Variants in EFR3B observed in about 807,000 individuals in gnomAD.
The protein encoded by EFR3B is EFR3 homolog B, also known as protein EFR3 homolog B.
Under a neutral mutation model 104.7 loss-of-function variants are expected in EFR3B, and 64 were observed. That is an observed-to-expected ratio of 0.61 (90% CI 0.50 to 0.75). The LOEUF (loss-of-function observed/expected upper bound fraction) is 0.75. Ranked by LOEUF, EFR3B falls within the 30% of genes least tolerant of loss-of-function variation. EFR3B has a pLI of 0.00. For missense variants in EFR3B, 750 were observed against 1,078.5 expected, an observed-to-expected ratio of 0.70 and a Z score of 4.27; for synonymous variants, 385 against 417.9, an observed-to-expected ratio of 0.92 and a Z score of 0.96.
chr2:25,115,131 T>A (rs1573212866), intron 4 of EFR3B, among the ~76,000 whole-genome samples: 2 of 152,134 alleles, frequency 1.3e-5, no homozygotes, highest in Admixed American at 6.5e-5. Context: ...CAGTGAGCCG[T>A]GATCACGCCT....
intron 17 of EFR3B, among the ~76,000 whole-genome samples, chr2:25,142,167 G>T (rs1670687406): frequency 6.6e-6 from 1 of 151,590 alleles, no homozygotes. Context: ...CCCGGGCTGG[G>T]CACAGTGACT....
At chr2:25,050,000 C>T (rs1573160829) in intron 1 of EFR3B, among the ~76,000 whole-genome samples, 1 of 147,972 alleles carries the variant, frequency 6.8e-6, no homozygotes, top group South Asian at 2.2e-4. Context: ...GGTGGTGGCG[C>T]ATGCCTATAA....
chr2:25,053,894 G>A (rs1272444329), intron 1 of EFR3B, among the ~76,000 whole-genome samples: 17 of 152,204 alleles, frequency 1.1e-4, no homozygotes, highest in African/African-American at 3.9e-4. Context: ...GCGACAGAGC[G>A]AGACTCCGTC....
In EFR3B at chr2:25,130,992, T is replaced by C. The variant is rs1670310635; in HGVS notation, c.849+362T>C. On this transcript the variant is annotated intron_variant, in intron 8 of 22. Transcript: ENST00000403714. The surrounding 1 kb of genome is among the most constrained non-coding windows in gnomAD (Gnocchi z 4.6). Reference sequence around the variant, plus strand: ...TCTCAGTGTAAACCAATATCAGACCTATCTTGAATGGGCACCAGCCCAGGG... The same window carrying C: ...TCTCAGTGTAAACCAATATCAGACCCATCTTGAATGGGCACCAGCCCAGGG... 6.6e-6 allele frequency among the ~76,000 whole-genome samples: 1 copy of C among 152,228 alleles called. No homozygotes were observed. The highest frequency in any genetic ancestry group is 1.5e-5 in the Non-Finnish European group (1 of 68,038).
At chr2:25,051,643 T>G (rs1667874069) in intron 1 of EFR3B, among the ~76,000 whole-genome samples, 2 of 150,288 alleles carry the variant, frequency 1.3e-5, no homozygotes, top group Admixed American at 1.3e-4. Context: ...GTGTGTTTTT[T>G]TTTTTTTTTT....
At chr2:25,142,309 G>GT (rs1432200025) in intron 17 of EFR3B, among the ~76,000 whole-genome samples, 1 of 151,966 alleles carries the variant, frequency 6.6e-6, no homozygotes, top group Non-Finnish European at 1.5e-5. Flanking sequence ...CAGGTATGGT[G>GT]GCGCACACCT....
At chr2:25,108,410 G>A (rs948740595) in intron 4 of EFR3B, among the ~76,000 whole-genome samples, 2 of 152,156 alleles carry the variant, frequency 1.3e-5, no homozygotes, top group Non-Finnish European at 2.9e-5. Flanking sequence ...ATCTGATGAT[G>A]CCAAGATCCT....
chr2:25,157,602 G>C lies in EFR3B; in HGVS notation c.*3262G>C, dbSNP rs2149217303. ...GAGGACTCTAGCTGTGTGGGGAAGGGCTAGCATTGGTCAGGACTCTGCTGA... is the reference window on the plus strand; with the variant it reads ...GAGGACTCTAGCTGTGTGGGGAAGGCCTAGCATTGGTCAGGACTCTGCTGA... On this transcript the variant is annotated 3_prime_UTR_variant, in exon 23 of 23. Transcript: ENST00000403714. The C allele has an allele frequency of 6.6e-6, 1 of 152,392 alleles. No individual in the cohort carries two copies. Among genetic ancestry groups the C allele is most frequent in the South Asian group, 2.1e-4 (1 of 4,826 alleles). 9.4% of individuals were successfully genotyped at this position (152,392 alleles called of 1,614,324 possible). A position where few individuals can be genotyped will look rare whatever the true frequency, so the allele number is the denominator to read the frequency against.
Position 25,137,328 on chromosome 2 carries a change from C to T in EFR3B, c.1561-13C>T, listed in dbSNP as rs1670543644. 1 of 1,552,036 alleles carries T rather than the reference C, an allele frequency of 6.4e-7. No individual in the cohort carries two copies. The highest frequency in any genetic ancestry group is 1.4e-5 in the African/African-American group (1 of 73,046). ...CCCTCCGACCCTGGCCTTCTGCCCG[C>T]TCCTGTCCCCAGCACTCCCAGCAGC... On this transcript the variant is annotated splice_polypyrimidine_tract_variant and intron_variant, in intron 14 of 22. Coordinates refer to ENST00000403714, the MANE Select transcript of EFR3B (RefSeq NM_014971.2). This position sits in a 1 kb window ranked among gnomAD's most constrained non-coding sequence, Gnocchi z 4.7.
intron 5 of EFR3B, among the ~76,000 whole-genome samples, chr2:25,127,491 A>G (rs1392581368): frequency 6.6e-6 from 1 of 152,236 alleles, no homozygotes; most frequent in African/African-American, 2.4e-5. Flanking sequence ...TGGTAGTGGT[A>G]AATCTTCTCT....
rs1488447889 is a variant in EFR3B, at chr2:25,158,010, T to G, written c.*3670T>G. On this transcript the variant is annotated 3_prime_UTR_variant, in exon 23 of 23. Transcript: ENST00000403714. ...CTTGAAGAAGCACAAGTGTCATAGA[T>G]GTGCCGCCCTTTGCCCTGGGTGTTC... The G allele has an allele frequency of 6.6e-6, 1 of 152,312 alleles. No individual in the cohort carries two copies. Among genetic ancestry groups the G allele is most frequent in the African/African-American group, 2.4e-5 (1 of 41,452 alleles). The allele number at this position is 152,312 out of a possible 1,614,324, so 9.4% of individuals were successfully genotyped here. A position where few individuals can be genotyped will look rare whatever the true frequency, so the allele number is the denominator to read the frequency against.
intron 4 of EFR3B, among the ~76,000 whole-genome samples, chr2:25,113,552 C>T (rs1171842770): frequency 6.6e-6 from 1 of 151,788 alleles, no homozygotes; most frequent in African/African-American, 2.4e-5. Flanking sequence ...CCTGTAGTGC[C>T]AGCTACTCGG....
rs1218836753 is a variant in EFR3B at position 25,059,086 on chromosome 2, G to A, written c.7+16767G>A. ...AACGGATAAACAAAATGCAATATCTGTGTATGATAGAATATTATTCAGTGT... is the reference window on the plus strand; with the variant it reads ...AACGGATAAACAAAATGCAATATCTATGTATGATAGAATATTATTCAGTGT... On this transcript the variant is annotated intron_variant, in intron 1 of 22. Transcript: ENST00000403714. 5.3e-5 allele frequency among the ~76,000 whole-genome samples: 8 copies of A among 151,766 alleles called. No homozygotes were observed. The South Asian group carries it at 6.3e-4, about 12-fold the overall frequency.
chr2:25,137,642 G>A lies in EFR3B; in HGVS notation c.1722+140G>A, dbSNP rs1220897443. On this transcript the variant is annotated intron_variant, in intron 15 of 22. Transcript: ENST00000403714. This position sits in a 1 kb window ranked among gnomAD's most constrained non-coding sequence, Gnocchi z 4.7. ...GAATATTGTACTCGTGGTTGGCCAC[G>A]CCTCCCTGAAGACCCCAAACCATGG... 5.5e-6 allele frequency: 7 copies of A among 1,276,376 alleles called. No homozygotes were observed. Among genetic ancestry groups the A allele is most frequent in the Admixed American group, 2.5e-5 (1 of 40,644 alleles). 79.1% of individuals were successfully genotyped at this position (1,276,376 alleles called of 1,614,324 possible).
chr2:25,050,415 C>T (rs1015093645), intron 1 of EFR3B, among the ~76,000 whole-genome samples: 5 of 151,878 alleles, frequency 3.3e-5, no homozygotes, highest in African/African-American at 1.2e-4. Flanking sequence ...GATGTTGGCT[C>T]CTTTTTAAAA....
At chr2:25,125,385 A>G (rs1462427310) in intron 5 of EFR3B, among the ~76,000 whole-genome samples, 2 of 152,152 alleles carry the variant, frequency 1.3e-5, no homozygotes, top group Non-Finnish European at 1.5e-5. Flanking sequence ...TCCCTTGGTT[A>G]GGGAGTGCCT....
chr2:25,136,558 TGGACAAGTGCTCTCGACA>T lies in EFR3B; in HGVS notation c.1526_1543del (p.Lys509_Asp514del). On this transcript the variant is annotated inframe_deletion, in exon 14 of 23. Coordinates refer to ENST00000403714, the MANE Select transcript of EFR3B (RefSeq NM_014971.2). The surrounding 1 kb of genome is among the most constrained non-coding windows in gnomAD (Gnocchi z 4.0). ...GACATCTCTGTCCTGAAGCTGAAAG[TGGACAAGTGCTCTCGACA>T]GGACACCGTCTTCATGAAGAAGGTA... 1 of 1,551,394 alleles carries T rather than the reference TGGACAAGTGCTCTCGACA, an allele frequency of 6.4e-7. No individual in the cohort carries two copies. Among genetic ancestry groups the T allele is most frequent in the Non-Finnish European group, 8.7e-7 (1 of 1,146,886 alleles).
At chr2:25,059,053 G>A (rs921530429) in intron 1 of EFR3B, among the ~76,000 whole-genome samples, 2 of 151,658 alleles carry the variant, frequency 1.3e-5, no homozygotes, top group African/African-American at 2.4e-5. Flanking sequence ...AGTGTCCATC[G>A]ACAGACAAAC....
At chr2:25,143,203 G>A (rs553165668) in intron 17 of EFR3B, among the ~76,000 whole-genome samples, 3 of 152,108 alleles carry the variant, frequency 2.0e-5, no homozygotes, top group East Asian at 1.9e-4. Flanking sequence ...GTGACAGAGC[G>A]AGACTCCGTC....
Sources: allele counts gnomAD v4.1 joint callset (sites outside exome capture counted in the v4.1 genomes callset), GRCh38; gene constraint gnomAD v4.1.1; non-coding constraint Gnocchi (gnomAD v3.1); transcripts MANE v1.5; gene names NCBI Gene and HGNC (gene_info 2026-07-23, HGNC 2026-07-21).